TGFB2: variants seen among roughly 807,000 people sequenced by gnomAD.
The protein encoded by TGFB2 is transforming growth factor beta 2.
In TGFB2, 13 loss-of-function variants were observed where a neutral mutation model predicts 42.7. The ratio of observed to expected loss-of-function variants is 0.30; its 90% CI spans 0.20 to 0.48. The LOEUF is 0.48. Ranked by LOEUF, TGFB2 falls within the 20% of genes least tolerant of loss-of-function variation. The pLI, the probability that TGFB2 is intolerant of heterozygous loss-of-function variation, is 0.99. For synonymous variants in TGFB2, 193 were observed against 193.6 expected (o/e 1.00, Z 0.03); for missense variants, 390 against 517.5 (o/e 0.75, Z 2.39).
chr1:218,385,243 G>T (rs902450688), intron 1 of TGFB2, among the ~76,000 whole-genome samples: 5 of 152,134 alleles, frequency 3.3e-5, no homozygotes, highest in Admixed American at 3.3e-4. Context: ...GCAAATGCTT[G>T]GTGTTTCTGA....
chr1:218,440,622 C>G (rs935198121), intron 6 of TGFB2, among the ~76,000 whole-genome samples: 7 of 152,154 alleles, frequency 4.6e-5, no homozygotes, highest in African/African-American at 1.7e-4. Context: ...CTTATGAGAG[C>G]TTTGATAAAA....
intron 2 of TGFB2, among the ~76,000 whole-genome samples, chr1:218,429,173 G>T (rs1659725871): frequency 1.3e-5 from 2 of 151,960 alleles, no homozygotes; most frequent in Non-Finnish European, 2.9e-5. Context: ...TAGAGACGGG[G>T]TTTCACCATG....
At chr1:218,400,688 G>A (rs1312256738) in intron 1 of TGFB2, among the ~76,000 whole-genome samples, 2 of 152,184 alleles carry the variant, frequency 1.3e-5, no homozygotes, top group Non-Finnish European at 2.9e-5. Flanking sequence ...AAAAAGGAGT[G>A]GGTGAGAGAC....
chr1:218,372,131 C>T (rs191923114), intron 1 of TGFB2, among the ~76,000 whole-genome samples: 1 of 152,138 alleles, frequency 6.6e-6, no homozygotes, highest in Non-Finnish European at 1.5e-5. Context: ...CTTTTCCAGC[C>T]TGCTCTCGGG....
At chr1:218,421,687 T>A (rs1196687531) in intron 2 of TGFB2, among the ~76,000 whole-genome samples, 1 of 152,186 alleles carries the variant, frequency 6.6e-6, no homozygotes, top group South Asian at 2.1e-4. Flanking sequence ...TAATCCCCAG[T>A]ACTTTGGAAT....
chr1:218,384,018 G>T (rs1050059225), intron 1 of TGFB2, among the ~76,000 whole-genome samples: 12 of 151,946 alleles, frequency 7.9e-5, no homozygotes, highest in Admixed American at 4.6e-4. Flanking sequence ...TAACAGTTCT[G>T]TGAAAATGAG....
intron 1 of TGFB2, among the ~76,000 whole-genome samples, chr1:218,401,617 A>C (rs1187314766): frequency 6.6e-6 from 1 of 152,196 alleles, no homozygotes; most frequent in Non-Finnish European, 1.5e-5. Context: ...AAGGTCAAAC[A>C]CAAGTACCTG....
At chr1:218,355,617 C>G (rs1011400284) in intron 1 of TGFB2, among the ~76,000 whole-genome samples, 4 of 152,232 alleles carry the variant, frequency 2.6e-5, no homozygotes, top group African/African-American at 4.8e-5. Context: ...CTTCACTTAG[C>G]CCAGCCTCAG....
chr1:218,374,761 C>T (rs1657685975), intron 1 of TGFB2, among the ~76,000 whole-genome samples: 1 of 152,190 alleles, frequency 6.6e-6, no homozygotes. Flanking sequence ...AACTTGGATT[C>T]ATTCATGTCC....
At chr1:218,433,129 T>C (rs1041494089) in intron 2 of TGFB2, among the ~76,000 whole-genome samples, 5 of 152,154 alleles carry the variant, frequency 3.3e-5, no homozygotes, top group African/African-American at 1.2e-4. Context: ...AGTGCAGTAA[T>C]GCCACCTCGG....
At chr1:218,416,842 C>G (rs909033754) in intron 2 of TGFB2, among the ~76,000 whole-genome samples, 6 of 152,172 alleles carry the variant, frequency 3.9e-5, no homozygotes, top group Non-Finnish European at 8.8e-5. Flanking sequence ...GAATAAGTCT[C>G]ATGAGATCTG....
At chr1:218,428,755 G>A (rs1217796150) in intron 2 of TGFB2, among the ~76,000 whole-genome samples, 2 of 152,134 alleles carry the variant, frequency 1.3e-5, no homozygotes, top group Non-Finnish European at 2.9e-5. Flanking sequence ...AGTATAGTTT[G>A]AAGTCAGGTA....
chr1:218,387,463 C>A (rs952570052), intron 1 of TGFB2, among the ~76,000 whole-genome samples: 2 of 152,082 alleles, frequency 1.3e-5, no homozygotes, highest in African/African-American at 4.8e-5. Context: ...AAAAGGCATG[C>A]CCAGCTACAG....
intron 2 of TGFB2, among the ~76,000 whole-genome samples, chr1:218,408,895 A>AT (rs1338948067): frequency 1.3e-5 from 2 of 152,190 alleles, no homozygotes; most frequent in African/African-American, 4.8e-5. Context: ...TGAAATAATT[A>AT]TACAACTCAC....
intron 1 of TGFB2, among the ~76,000 whole-genome samples, chr1:218,380,191 AG>A (rs1446196765): frequency 2.0e-5 from 3 of 152,214 alleles, no homozygotes; most frequent in African/African-American, 7.2e-5. Flanking sequence ...TGGAAGCTCA[AG>A]TCGGTGACCA....
chr1:218,356,003 A>G (rs1286081132), intron 1 of TGFB2, among the ~76,000 whole-genome samples: 2 of 152,234 alleles, frequency 1.3e-5, no homozygotes, highest in East Asian at 3.8e-4. Context: ...GCAGAAGTAC[A>G]TGGAAAATGA....
At chr1:218,368,090 C>G (rs190376835) in intron 1 of TGFB2, among the ~76,000 whole-genome samples, 1 of 152,098 alleles carries the variant, frequency 6.6e-6, no homozygotes, top group African/African-American at 2.4e-5. Context: ...CATGAGCCAC[C>G]GTGCCCGGCT....
At chr1:218,419,562 A>C (rs1659388637) in intron 2 of TGFB2, among the ~76,000 whole-genome samples, 1 of 152,176 alleles carries the variant, frequency 6.6e-6, no homozygotes, top group South Asian at 2.1e-4. Context: ...TCTGGTCCAC[A>C]GTGGGTGTTC....
intron 4 of TGFB2, among the ~76,000 whole-genome samples, chr1:218,434,699 C>A (rs925558413): frequency 1.3e-5 from 2 of 152,160 alleles, no homozygotes; most frequent in African/African-American, 4.8e-5. Flanking sequence ...AACTCATTAA[C>A]CCTCCAGTAG....
Sources: allele counts gnomAD v4.1 joint callset (sites outside exome capture counted in the v4.1 genomes callset), GRCh38; gene constraint gnomAD v4.1.1; transcripts MANE v1.5; gene names NCBI Gene and HGNC (gene_info 2026-07-23, HGNC 2026-07-21).